ZBTB7C: variants seen among roughly 807,000 people sequenced by gnomAD.
The protein encoded by ZBTB7C is zinc finger and BTB domain containing 7C.
Under a neutral mutation model 25.7 loss-of-function variants are expected in ZBTB7C, and 8 were observed. That is an observed-to-expected ratio of 0.31 (90% CI 0.18 to 0.56). The LOEUF (loss-of-function observed/expected upper bound fraction) is 0.56, where lower values mean the gene tolerates loss of function less well. ZBTB7C is among the 20% of genes least tolerant of loss of function. The pLI is 0.91. For missense variants in ZBTB7C, 824 were observed against 855.2 expected (o/e 0.96, Z 0.46); for synonymous variants, 394 against 369.0 (o/e 1.07, Z -0.78).
At chr18:48,224,605 T>C (rs2043043369) in intron 2 of ZBTB7C, among the ~76,000 whole-genome samples, 1 of 152,072 alleles carries the variant, frequency 6.6e-6, no homozygotes, top group South Asian at 2.1e-4. Flanking sequence ...AGAACTCTGT[T>C]CCAGTACTGG....
In ZBTB7C at chr18:48,040,782, T is replaced by C. The variant is rs372893289; in HGVS notation, c.326A>G (p.Asn109Ser). ...ITAGNVKHIL[N>S]AARMLEIQCI... ...CTGGATCTCCAGCATCCTGGCTGCG[T>C]TGAGGATGTGCTTGACATTGCCAGC... is the stretch of plus-strand genomic sequence containing the variant. Residue 109 changes from asparagine (N) to serine (S), a missense_variant, in exon 4 of 5, where the codon AAC (asparagine) becomes AGC (serine). This residue lies in a region of ZBTB7C where 117 missense variants were observed against 167.7 expected (regional missense o/e 0.70). Transcript: ENST00000590800. 9.3e-6 allele frequency: 15 copies of C among 1,612,388 alleles called. No individual in the cohort carries two copies. The African/African-American group carries it at 1.7e-4, about 19-fold the overall frequency.
intron 3 of ZBTB7C, chr18:48,180,342 C>A (rs1406264268): frequency 2.2e-6 from 1 of 456,582 alleles, no homozygotes; most frequent in Non-Finnish European, 4.4e-6. Context: ...GTTCATATTT[C>A]AGATGGAAAT....
intron 3 of ZBTB7C, among the ~76,000 whole-genome samples, chr18:48,065,368 T>C (rs2037289878): frequency 6.6e-6 from 1 of 151,968 alleles, no homozygotes; most frequent in African/African-American, 2.4e-5. Flanking sequence ...CACACACGCC[T>C]GAGAAAGCCC....
At chr18:48,080,862 C>T (rs1430896735) in intron 3 of ZBTB7C, among the ~76,000 whole-genome samples, 1 of 152,210 alleles carries the variant, frequency 6.6e-6, no homozygotes, top group African/African-American at 2.4e-5. Context: ...TCATCTTTCT[C>T]CCTCTGCCCC....
intron 3 of ZBTB7C, among the ~76,000 whole-genome samples, chr18:48,111,776 T>C (rs2039250600): frequency 6.6e-6 from 1 of 152,130 alleles, no homozygotes; most frequent in African/African-American, 2.4e-5. Flanking sequence ...CTATATATCT[T>C]ATATGAAACT....
intron 2 of ZBTB7C, among the ~76,000 whole-genome samples, chr18:48,246,810 C>A (rs1410784894): frequency 2.0e-5 from 3 of 152,142 alleles, no homozygotes; most frequent in Non-Finnish European, 2.9e-5. Flanking sequence ...ATGCCCCCAA[C>A]AACCACCACA....
At chr18:48,395,375 ATGTGTG>A (rs149447084) in intron 1 of ZBTB7C, among the ~76,000 whole-genome samples, 6,999 of 82,640 alleles carry the variant, frequency 0.085, 553 homozygotes, top group South Asian at 0.11. Flanking sequence ...TTCTATTCAA[ATGTGTG>A]TGTGTGTGTG....
At chr18:48,383,032 T>G (rs2047667799) in intron 1 of ZBTB7C, among the ~76,000 whole-genome samples, 4 of 152,162 alleles carry the variant, frequency 2.6e-5, no homozygotes, top group Non-Finnish European at 5.9e-5. Context: ...ATGTGAATTT[T>G]CATTTACAGG....
chr18:48,329,576 A>G (rs949265447), intron 2 of ZBTB7C, among the ~76,000 whole-genome samples: 1 of 152,162 alleles, frequency 6.6e-6, no homozygotes, highest in Non-Finnish European at 1.5e-5. Context: ...CAAAATGCAA[A>G]CACATTTTTC....
At position 48,040,042 on chromosome 18, in the gene ZBTB7C, G is replaced by A. The variant is rs761446062; in HGVS notation, c.1066C>T (p.Arg356Cys). 2.0e-5 allele frequency: 32 copies of A among 1,613,920 alleles called. No homozygotes were observed. Among genetic ancestry groups the A allele is most frequent in the South Asian group, 5.5e-5 (5 of 91,074 alleles). The change falls in exon 4 of 5, where the codon CGC becomes TGC. Residue 356 changes from arginine (R) to cysteine (C), a missense_variant. Coordinates refer to ENST00000590800, the MANE Select transcript of ZBTB7C (RefSeq NM_001318841.2). ...LFPPWPLVEERKLKPKASQQC... is the reference protein window; with the variant it reads ...LFPPWPLVEECKLKPKASQQC... ...TGAGAGGCCTTGGGCTTCAGCTTGCGCTCTTCTACCAGGGGCCAGGGTGGG... is the reference window on the plus strand; with the variant it reads ...TGAGAGGCCTTGGGCTTCAGCTTGCACTCTTCTACCAGGGGCCAGGGTGGG...
At chr18:48,229,807 C>T (rs1205966668) in intron 2 of ZBTB7C, among the ~76,000 whole-genome samples, 2 of 152,168 alleles carry the variant, frequency 1.3e-5, no homozygotes, top group Admixed American at 1.3e-4. Flanking sequence ...CCCTCATAGG[C>T]CTTCAGTCCA....
At chr18:48,196,497 G>A (rs757931135) in intron 2 of ZBTB7C, among the ~76,000 whole-genome samples, 46 of 152,088 alleles carry the variant, frequency 3.0e-4, no homozygotes, top group South Asian at 6.2e-4. Flanking sequence ...AGGATTTGGG[G>A]GTCAGAGGGA....
chr18:48,228,625 GC>G (rs1254455614), intron 2 of ZBTB7C, among the ~76,000 whole-genome samples: 6 of 151,808 alleles, frequency 4.0e-5, no homozygotes, highest in East Asian at 3.9e-4. Context: ...TGTGGTTGCC[GC>G]CCCCCTGCCT....
chr18:48,384,423 T>A (rs1302006164), intron 1 of ZBTB7C, among the ~76,000 whole-genome samples: 1 of 152,204 alleles, frequency 6.6e-6, no homozygotes, highest in Non-Finnish European at 1.5e-5. Flanking sequence ...AGAGACTTGT[T>A]TTTGAAAGGG....
chr18:48,211,656 T>C lies in ZBTB7C; in HGVS notation c.-78-25661A>G, dbSNP rs190534396. On this transcript the variant is annotated intron_variant, in intron 2 of 4. Transcript: ENST00000590800. ...CAAGGAGACACTACTGCATACCTAT[T>C]AGAATGCCCAAAATTCAAATCACTG... 2.5e-3 allele frequency among the ~76,000 whole-genome samples: 383 copies of C among 152,268 alleles called. 2 individuals are homozygous for C. Among genetic ancestry groups the C allele is most frequent in the African/African-American group, 8.8e-3 (367 of 41,522 alleles).
At chr18:48,243,656 A>G (rs913649651) in intron 2 of ZBTB7C, among the ~76,000 whole-genome samples, 1 of 152,230 alleles carries the variant, frequency 6.6e-6, no homozygotes, top group African/African-American at 2.4e-5. Context: ...ATCATTTTTC[A>G]CAGAACTAGA....
Position 48,333,448 on chromosome 18 carries a change from T to C in ZBTB7C, c.-79+4726A>G, listed in dbSNP as rs77185113. On this transcript the variant is annotated intron_variant, in intron 2 of 4. Transcript: ENST00000590800. ...TACACCTGGAAACAGGATTAAATCA[T>C]TGCAGTACAGACTCTCATGCCCATT... Among the ~76,000 whole-genome samples, 450 of 152,308 alleles carry C rather than the reference T, an allele frequency of 3.0e-3. 1 individual carries two copies. The highest frequency in any genetic ancestry group is 0.01 in the African/African-American group (421 of 41,574).
At chr18:48,316,079 C>T (rs2045941126) in intron 2 of ZBTB7C, among the ~76,000 whole-genome samples, 1 of 152,182 alleles carries the variant, frequency 6.6e-6, no homozygotes, top group South Asian at 2.1e-4. Context: ...GACCCTGCCT[C>T]ACACCATCAA....
intron 2 of ZBTB7C, among the ~76,000 whole-genome samples, chr18:48,281,958 T>C (rs2044866573): frequency 6.9e-6 from 1 of 144,592 alleles, no homozygotes; most frequent in Admixed American, 6.7e-5. Context: ...ATCCCATTAC[T>C]GGGTATATAC....
Sources: allele counts gnomAD v4.1 joint callset (sites outside exome capture counted in the v4.1 genomes callset), GRCh38; gene constraint gnomAD v4.1.1; regional missense constraint gnomAD v4.1.1; transcripts MANE v1.5; gene names NCBI Gene and HGNC (gene_info 2026-07-23, HGNC 2026-07-21).